The following NRCAM variants were observed in gnomAD, a reference collection of about 807,000 sequenced individuals.
NRCAM encodes the protein neuronal cell adhesion molecule.
Under a neutral mutation model 156.5 loss-of-function variants are expected in NRCAM, and 83 were observed. The observed-to-expected ratio is 0.53, with a 90% CI of 0.44 to 0.64. The LOEUF is 0.64. Ranked by LOEUF, NRCAM falls within the 30% of genes least tolerant of loss-of-function variation. The probability of loss-of-function intolerance (pLI) is 0.00; values close to 1 mark genes in which losing one functional copy is unlikely to be tolerated. For missense variants in NRCAM, 1,417 were observed against 1,597.3 expected, an observed-to-expected ratio of 0.89 and a Z score of 1.92; for synonymous variants, 538 against 563.9, an observed-to-expected ratio of 0.95 and a Z score of 0.65.
At chr7:108,362,765 T>G (rs1286098242) in intron 2 of NRCAM, among the ~76,000 whole-genome samples, 1 of 152,156 alleles carries the variant, frequency 6.6e-6, no homozygotes, top group Non-Finnish European at 1.5e-5. Context: ...TACAGATGGT[T>G]ACATATAGGA....
At chr7:108,263,694 A>C (rs1446936728) in intron 3 of NRCAM, among the ~76,000 whole-genome samples, 2 of 152,118 alleles carry the variant, frequency 1.3e-5, no homozygotes, top group Non-Finnish European at 1.5e-5. Flanking sequence ...GACCCACTCC[A>C]CAGAGCCTGG....
chr7:108,344,313 C>T (rs538052358), intron 2 of NRCAM, among the ~76,000 whole-genome samples: 1 of 152,054 alleles, frequency 6.6e-6, no homozygotes, highest in Non-Finnish European at 1.5e-5. Context: ...CACTAAAATG[C>T]TAATTAGGCA....
At chr7:108,181,098 C>T (rs186010275) in intron 24 of NRCAM, among the ~76,000 whole-genome samples, 11 of 152,082 alleles carry the variant, frequency 7.2e-5, no homozygotes, top group Admixed American at 7.2e-4. Flanking sequence ...GTCACAAATC[C>T]AGAATTGTTG....
Position 108,188,466 on chromosome 7 carries a change from CTTAT to C in NRCAM, c.2035+1175_2035+1178del, listed in dbSNP as rs137960090. 4.6e-3 allele frequency among the ~76,000 whole-genome samples: 692 copies of C among 151,858 alleles called. 10 individuals carry two copies. Among genetic ancestry groups the C allele is most frequent in the African/African-American group, 0.016 (658 of 41,420 alleles). ...CTTAATAATGTATTATTAATTTTAT[CTTAT>C]TTATATCCTCATCTAAAATATAAGC... is the stretch of plus-strand genomic sequence containing the variant. On this transcript the variant is annotated intron_variant, in intron 20 of 32. Transcript: ENST00000379028.
In NRCAM at chr7:108,154,635, T is replaced by C. The variant is rs140942194; in HGVS notation, c.3678-4488A>G. On this transcript the variant is annotated intron_variant, in intron 32 of 32. Coordinates refer to ENST00000379028, the MANE Select transcript of NRCAM (RefSeq NM_001037132.4). The stretch of plus-strand genomic sequence containing the variant: ...AACAGAGTCTTTCCAGGAAAAGCCA[T>C]TCAAAGGCAGTGAGATCTTTTGAAG... Among the ~76,000 whole-genome samples, 713 of 152,284 alleles carry C rather than the reference T, an allele frequency of 4.7e-3. 4 individuals carry two copies. The highest frequency in any genetic ancestry group is 6.8e-3 in the South Asian group (33 of 4,826).
At chr7:108,258,258 CA>C (rs1431739521) in intron 3 of NRCAM, among the ~76,000 whole-genome samples, 1 of 152,226 alleles carries the variant, frequency 6.6e-6, no homozygotes, top group Non-Finnish European at 1.5e-5. Flanking sequence ...CCTCTGACCA[CA>C]ACAGCCTTGC....
chr7:108,241,631 C>G (rs2095534539), intron 3 of NRCAM, among the ~76,000 whole-genome samples: 1 of 152,016 alleles, frequency 6.6e-6, no homozygotes, highest in South Asian at 2.1e-4. Context: ...ATCCTCATAG[C>G]CCATCACAGT....
At chr7:108,391,151 CT>C in intron 2 of NRCAM, among the ~76,000 whole-genome samples, 1 of 152,278 alleles carries the variant, frequency 6.6e-6, no homozygotes, top group South Asian at 2.1e-4. Context: ...TCTTGTTGAT[CT>C]GTCTAATGTT....
intron 1 of NRCAM, among the ~76,000 whole-genome samples, chr7:108,444,431 G>A (rs1842235131): frequency 6.6e-6 from 1 of 151,862 alleles, no homozygotes; most frequent in Non-Finnish European, 1.5e-5. Context: ...TTCTGTATTA[G>A]TTTGCCGGGG....
At chr7:108,303,514 T>C (rs1034024299) in intron 3 of NRCAM, among the ~76,000 whole-genome samples, 1 of 152,186 alleles carries the variant, frequency 6.6e-6, no homozygotes, top group Non-Finnish European at 1.5e-5. Context: ...TGCTGGGGTG[T>C]CTGTTCTGAA....
chr7:108,349,156 C>G (rs901432048), intron 2 of NRCAM, among the ~76,000 whole-genome samples: 10 of 152,058 alleles, frequency 6.6e-5, no homozygotes, highest in African/African-American at 2.4e-4. Flanking sequence ...CACTGGTTTG[C>G]CAAGTTTTAG....
intron 1 of NRCAM, among the ~76,000 whole-genome samples, chr7:108,419,807 T>A (rs1355302538): frequency 6.6e-6 from 1 of 152,206 alleles, no homozygotes; most frequent in East Asian, 1.9e-4. Context: ...GAAAGTTGGA[T>A]TCTTTCTTGA....
intron 3 of NRCAM, among the ~76,000 whole-genome samples, chr7:108,275,894 C>T (rs1017558850): frequency 1.1e-4 from 16 of 152,150 alleles, no homozygotes; most frequent in African/African-American, 3.9e-4. Flanking sequence ...TCCCTCTACA[C>T]ACTGCTTTAA....
chr7:108,156,422 T>C (rs1214510381), intron 32 of NRCAM: 3 of 984,220 alleles, frequency 3.0e-6, no homozygotes, highest in Non-Finnish European at 2.4e-6. Context: ...TTTTTCTATA[T>C]GCTAGTAAGG....
intron 2 of NRCAM, among the ~76,000 whole-genome samples, chr7:108,345,304 T>C (rs1393616086): frequency 6.6e-6 from 1 of 152,146 alleles, no homozygotes; most frequent in African/African-American, 2.4e-5. Flanking sequence ...TCTAGGTAAT[T>C]ACAAATATCA....
At chr7:108,191,548 C>T (rs142812071) in intron 18 of NRCAM, among the ~76,000 whole-genome samples, 181 bp downstream of exon 18, 11 of 152,302 alleles carry the variant, frequency 7.2e-5, no homozygotes, top group Non-Finnish European at 1.6e-4. Context: ...AGTGCTGCTA[C>T]ACAGTCTATT....
intron 3 of NRCAM, among the ~76,000 whole-genome samples, chr7:108,290,692 TAATC>T (rs1419146025): frequency 2.0e-5 from 3 of 152,206 alleles, no homozygotes; most frequent in Non-Finnish European, 2.9e-5. Context: ...TTGAAAAAGA[TAATC>T]AAAGAAAATG....
intron 3 of NRCAM, among the ~76,000 whole-genome samples, chr7:108,274,335 G>C (rs1237908895): frequency 6.6e-6 from 1 of 152,156 alleles, no homozygotes; most frequent in African/African-American, 2.4e-5. Flanking sequence ...TGGGCAGTAT[G>C]GCTATTTTCA....
At position 108,247,856 on chromosome 7, in the gene NRCAM, G is replaced by A. The variant is rs566494101; in HGVS notation, c.-106-7686C>T. ...TAATCTGGAGAAAGGGAGGAAAGAG[G>A]GGCAAGCCAAACCACAGGGATAGGC... On this transcript the variant is annotated intron_variant, in intron 3 of 32. Transcript: ENST00000379028. 2.0e-5 allele frequency among the ~76,000 whole-genome samples: 3 copies of A among 152,274 alleles called. No homozygotes were observed. The East Asian group carries it at 5.8e-4, about 29-fold the overall frequency.
Sources: gnomAD v4.1 joint callset for allele counts (sites outside exome capture counted in the v4.1 genomes callset) on GRCh38, gnomAD v4.1.1 for gene constraint, MANE v1.5 for transcripts, NCBI Gene and HGNC (gene_info 2026-07-23, HGNC 2026-07-21) for gene names.